The following CDH2 variants were observed in gnomAD, a reference collection of about 807,000 sequenced individuals.
CDH2 encodes cadherin-2.
In CDH2, 17 loss-of-function variants were observed where a neutral mutation model predicts 92.0. That is an observed-to-expected ratio of 0.18 (90% CI 0.13 to 0.28). The LOEUF (loss-of-function observed/expected upper bound fraction) is 0.28, where lower values mean the gene tolerates loss of function less well. Among genes scored for constraint, CDH2 ranks in the 10% least tolerant of loss-of-function variants. The pLI, the probability that CDH2 is intolerant of heterozygous loss-of-function variation, is 1.00. For missense variants in CDH2, 862 were observed against 1,133.1 expected, an observed-to-expected ratio of 0.76 and a Z score of 3.44; for synonymous variants, 419 against 415.9, an observed-to-expected ratio of 1.01 and a Z score of -0.09.
chr18:27,999,210 G>T (rs946928224), intron 7 of CDH2, among the ~76,000 whole-genome samples: 1 of 152,154 alleles, frequency 6.6e-6, no homozygotes, highest in African/African-American at 2.4e-5. Context: ...TCAATGAGTG[G>T]TTGGGCATCA....
chr18:28,025,754 C>T (rs941343850), intron 2 of CDH2, among the ~76,000 whole-genome samples: 1 of 151,670 alleles, frequency 6.6e-6, no homozygotes, highest in African/African-American at 2.4e-5. Flanking sequence ...GAATGAGTTT[C>T]GTGGTTCTAT....
At chr18:28,057,164 A>C (rs1016484304) in intron 2 of CDH2, among the ~76,000 whole-genome samples, 1 of 152,194 alleles carries the variant, frequency 6.6e-6, no homozygotes, top group Non-Finnish European at 1.5e-5. Context: ...GAACTCTGAC[A>C]AGTACAAGTT....
At chr18:28,164,368 A>G (rs1598520636) in intron 1 of CDH2, among the ~76,000 whole-genome samples, 1 of 152,216 alleles carries the variant, frequency 6.6e-6, no homozygotes, top group Non-Finnish European at 1.5e-5. Context: ...ATACATGTAA[A>G]GTGCTTTGAA....
At chr18:28,101,942 T>A (rs1020513001) in intron 2 of CDH2, among the ~76,000 whole-genome samples, 3 of 152,048 alleles carry the variant, frequency 2.0e-5, no homozygotes, top group Admixed American at 2.0e-4. Context: ...GCCCTCTCCA[T>A]CTCTGCCTAC....
intron 2 of CDH2, among the ~76,000 whole-genome samples, chr18:28,102,071 C>T (rs1220025): frequency 0.81 from 122,814 of 152,054 alleles, 49,816 homozygotes; most frequent in Admixed American, 0.83. Flanking sequence ...AAGTCGTATC[C>T]ACTCACCTTA....
intron 2 of CDH2, among the ~76,000 whole-genome samples, chr18:28,099,552 T>C (rs755941815): frequency 3.9e-5 from 6 of 152,080 alleles, no homozygotes; most frequent in Non-Finnish European, 7.4e-5. Context: ...ATGTTATAAC[T>C]ACACAGTAAA....
Position 28,176,993 on chromosome 18 carries a change from G to A in CDH2, c.30C>T (p.Thr10=). Residue 10 remains threonine, a synonymous_variant, in exon 1 of 16, where the codon ACC becomes ACT. Transcript: ENST00000269141. ...GCAGGGCCGCCAGCAGCGGCAGCAG[G>A]GTCCGCAGCGCTCCCGCTATCCGGC... is the stretch of plus-strand genomic sequence containing the variant. The part of the protein sequence containing the change: MCRIAGALR[T]LLPLLAALLQ... The A allele has an allele frequency of 3.4e-6, 5 of 1,474,622 alleles. No individual in the cohort carries two copies. The highest frequency in any genetic ancestry group is 4.5e-6 in the Non-Finnish European group (5 of 1,115,044). The allele number at this position is 1,474,622 out of a possible 1,614,324, so 91.3% of individuals were successfully genotyped here.
intron 2 of CDH2, among the ~76,000 whole-genome samples, chr18:28,073,067 C>T (rs1361886894): frequency 6.6e-6 from 1 of 151,962 alleles, no homozygotes; most frequent in African/African-American, 2.4e-5. Context: ...AAAATATAAT[C>T]ATTTTATAGA....
intron 11 of CDH2, 31 bp from the exon 12 acceptor site, chr18:27,985,792 T>A: frequency 7.8e-7 from 1 of 1,279,498 alleles, no homozygotes; most frequent in Non-Finnish European, 1.1e-6. Context: ...CAAATGATGC[T>A]GAACAGTTCT....
intron 14 of CDH2, among the ~76,000 whole-genome samples, chr18:27,967,899 A>G (rs976362650): frequency 6.6e-6 from 1 of 152,232 alleles, no homozygotes; most frequent in Non-Finnish European, 1.5e-5. Flanking sequence ...ATAAAATAAA[A>G]TGTTGCATCA....
intron 13 of CDH2, among the ~76,000 whole-genome samples, chr18:27,984,331 T>C (rs950372272): frequency 1.3e-5 from 2 of 152,228 alleles, no homozygotes; most frequent in Non-Finnish European, 1.5e-5. Flanking sequence ...TTAACCTGCA[T>C]GCTTAGAAGT....
At chr18:27,936,776 C>T (rs751264192) in intron 6 of CDH2, among the ~76,000 whole-genome samples, 1 of 152,122 alleles carries the variant, frequency 6.6e-6, no homozygotes, top group African/African-American at 2.4e-5. Context: ...CTCAAGTGAT[C>T]CTCCTGCCTT....
intron 2 of CDH2, among the ~76,000 whole-genome samples, chr18:28,036,061 A>G (rs1211017979): frequency 6.6e-6 from 1 of 152,162 alleles, no homozygotes; most frequent in African/African-American, 2.4e-5. Context: ...TTGGCTTGTA[A>G]ATGTTAATTT....
At chr18:28,060,291 A>C (rs953130754) in intron 2 of CDH2, among the ~76,000 whole-genome samples, 1 of 152,050 alleles carries the variant, frequency 6.6e-6, no homozygotes, top group African/African-American at 2.4e-5. Context: ...GGTTCAAGCA[A>C]TTCTCCTGCC....
intron 2 of CDH2, among the ~76,000 whole-genome samples, chr18:28,097,388 AAAT>A (rs1256169583): frequency 7.5e-6 from 1 of 132,678 alleles, no homozygotes; most frequent in African/African-American, 2.9e-5. Flanking sequence ...AAAAAAAAAA[AAAT>A]GGAACTCACA....
At chr18:27,983,385 A>G (rs912314800) in intron 13 of CDH2, among the ~76,000 whole-genome samples, 1 of 152,098 alleles carries the variant, frequency 6.6e-6, no homozygotes, top group African/African-American at 2.4e-5. Context: ...AACTTTTTCT[A>G]TCTTCCCTTT....
chr18:28,066,268 T>G (rs1026731760), intron 2 of CDH2, among the ~76,000 whole-genome samples: 2 of 152,142 alleles, frequency 1.3e-5, no homozygotes, highest in Admixed American at 6.6e-5. Context: ...TAATTGTACC[T>G]TCAAAATTAA....
At chr18:28,098,144 G>C (rs1223035924) in intron 2 of CDH2, among the ~76,000 whole-genome samples, 2 of 152,060 alleles carry the variant, frequency 1.3e-5, no homozygotes, top group African/African-American at 2.4e-5. Context: ...GTCTATAAAA[G>C]AGCTTTTAGT....
chr18:28,155,956 G>A lies in CDH2; in HGVS notation c.61-8172C>T, dbSNP rs370358623. Among the ~76,000 whole-genome samples the A allele has an allele frequency of 3.3e-4, 50 of 152,210 alleles. 1 individual carries two copies. Among genetic ancestry groups the A allele is most frequent in the African/African-American group, 1.1e-3 (45 of 41,544 alleles). The stretch of plus-strand genomic sequence containing the variant: ...ACATCCCTGCAAAAATGCTTAAAAC[G>A]TGCAGAAGTTTAACCCTGAACAGCT... On this transcript the variant is annotated intron_variant, in intron 1 of 15. Coordinates refer to ENST00000269141, the MANE Select transcript of CDH2 (RefSeq NM_001792.5).
Sources: gnomAD v4.1 joint callset for allele counts (sites outside exome capture counted in the v4.1 genomes callset) on GRCh38, gnomAD v4.1.1 for gene constraint, MANE v1.5 for transcripts, NCBI Gene and HGNC (gene_info 2026-07-23, HGNC 2026-07-21) for gene names.